The following COL14A1 variants were observed in gnomAD, a reference collection of about 807,000 sequenced individuals.
COL14A1 encodes collagen alpha-1(XIV) chain.
Under a neutral mutation model 230.3 loss-of-function variants are expected in COL14A1, and 136 were observed. The ratio of observed to expected loss-of-function variants is 0.59; its 90% confidence interval spans 0.51 to 0.68. COL14A1 has a LOEUF of 0.68. Ranked by LOEUF, COL14A1 falls within the 30% of genes least tolerant of loss-of-function variation. The probability of loss-of-function intolerance (pLI) is 0.00; values close to 1 mark genes in which losing one functional copy is unlikely to be tolerated. For missense variants in COL14A1, 1,976 were observed against 2,215.8 expected (o/e 0.89, Z 2.17); for synonymous variants, 792 against 784.1 (o/e 1.01, Z -0.17).
At position 120,323,725 on chromosome 8, in the gene COL14A1, G is replaced by A. The variant is rs183465914; in HGVS notation, c.4659+7728G>A. 1.6e-4 allele frequency among the ~76,000 whole-genome samples: 24 copies of A among 152,192 alleles called. No individual in the cohort carries two copies. In the East Asian group the frequency reaches 4.4e-3, roughly 28 times the overall value. On this transcript the variant is annotated intron_variant, in intron 40 of 47. Transcript: ENST00000297848. ...CAGGTTTCTCAAAGGTCAGATAGTT[G>A]TTGGTGTGTGGTCTTATTTCTGAGT...
At chr8:120,345,016 AC>A (rs1477841674) in intron 44 of COL14A1, among the ~76,000 whole-genome samples, 3 of 152,114 alleles carry the variant, frequency 2.0e-5, no homozygotes, top group Non-Finnish European at 4.4e-5. Flanking sequence ...AAGAAAAATA[AC>A]TTGGGGAGTA....
chr8:120,194,059 T>G (rs1302445491), intron 5 of COL14A1, among the ~76,000 whole-genome samples: 1 of 152,194 alleles, frequency 6.6e-6, no homozygotes, highest in Admixed American at 6.5e-5. Flanking sequence ...GCACCCACTG[T>G]CCTGTGCCCA....
At chr8:120,191,741 C>A (rs1414779715) in intron 5 of COL14A1, among the ~76,000 whole-genome samples, 7 of 150,986 alleles carry the variant, frequency 4.6e-5, no homozygotes. Context: ...GTATTGGGTG[C>A]ATATATATTT....
At chr8:120,244,587 C>T (rs1014367549) in intron 20 of COL14A1, among the ~76,000 whole-genome samples, 1 of 152,148 alleles carries the variant, frequency 6.6e-6, no homozygotes, top group Non-Finnish European at 1.5e-5. Flanking sequence ...CTTCTTATGG[C>T]TTTGTATCTT....
chr8:120,207,158 G>A, intron 10 of COL14A1, 64 bp downstream of exon 10: 1 of 1,291,060 alleles, frequency 7.7e-7, no homozygotes, highest in Non-Finnish European at 1.1e-6. Context: ...ACAATAGTGA[G>A]AACAAGGCAG....
intron 47 of COL14A1, chr8:120,370,614 C>T (rs1227271154): frequency 2.9e-5 from 42 of 1,449,588 alleles, no homozygotes; most frequent in Non-Finnish European, 3.8e-5. Context: ...ACTGACTGCT[C>T]CATGTCAGCC....
rs541051462 is a variant in COL14A1 at position 120,173,727 on chromosome 8, C to T, written c.436+5480C>T. Among the ~76,000 whole-genome samples the T allele has an allele frequency of 2.0e-3, 309 of 151,688 alleles. 1 individual carries two copies. Among genetic ancestry groups the T allele is most frequent in the Middle Eastern group, 6.8e-3 (2 of 294 alleles). The stretch of plus-strand genomic sequence containing the variant: ...CTGCATCTTATATCTATCTTTTGCC[C>T]ATACCACAGGGTTTATTTTAGCCCT... On this transcript the variant is annotated intron_variant, in intron 5 of 47. Transcript: ENST00000297848.
At chr8:120,252,300 T>C (rs1818996827) in intron 22 of COL14A1, among the ~76,000 whole-genome samples, 1 of 152,220 alleles carries the variant, frequency 6.6e-6, no homozygotes, top group African/African-American at 2.4e-5. Context: ...TGGAGCACTG[T>C]ATACTGTACC....
chr8:120,349,182 G>T (rs991187620), intron 45 of COL14A1, among the ~76,000 whole-genome samples: 6 of 151,928 alleles, frequency 3.9e-5, no homozygotes, highest in African/African-American at 1.5e-4. Flanking sequence ...GGTCCTGTCT[G>T]TTAGAAGGAA....
intron 36 of COL14A1, among the ~76,000 whole-genome samples, chr8:120,301,751 C>T (rs1409541847): frequency 5.3e-5 from 8 of 152,080 alleles, no homozygotes; most frequent in Admixed American, 5.2e-4. Flanking sequence ...AATGGTTGTT[C>T]TGTTTGTAGC....
At chr8:120,292,992 A>C (rs1488299422) in intron 34 of COL14A1, among the ~76,000 whole-genome samples, 1 of 152,110 alleles carries the variant, frequency 6.6e-6, no homozygotes. Flanking sequence ...AAGCAGGCTT[A>C]ACTTAGCTGT....
intron 28 of COL14A1, among the ~76,000 whole-genome samples, chr8:120,279,597 A>G (rs1323562649): frequency 6.6e-6 from 1 of 151,278 alleles, no homozygotes; most frequent in Non-Finnish European, 1.5e-5. Flanking sequence ...CTCTGTTTCA[A>G]GTATATTTCA....
Position 120,279,815 on chromosome 8 carries a change from T to C in COL14A1, c.3482-120T>C, listed in dbSNP as rs1819981667. The stretch of plus-strand genomic sequence containing the variant: ...CTGATGAACTGTAAAGAATGAATTA[T>C]CCACCCCCATGGGCCTTCCTAAATA... On this transcript the variant is annotated intron_variant, in intron 28 of 47. Transcript: ENST00000297848. 7 of 991,890 alleles carry C rather than the reference T, an allele frequency of 7.1e-6. No homozygotes were observed. The South Asian group carries it at 1.2e-4, about 18-fold the overall frequency. 61.4% of individuals were successfully genotyped at this position (991,890 alleles called of 1,614,324 possible). A position where few individuals can be genotyped will look rare whatever the true frequency, so the allele number is the denominator to read the frequency against.
intron 5 of COL14A1, among the ~76,000 whole-genome samples, chr8:120,177,623 T>C (rs1370202407): frequency 2.3e-5 from 3 of 128,182 alleles, no homozygotes; most frequent in African/African-American, 9.2e-5. Context: ...CACTCCAGTC[T>C]GGGTGACAGA....
rs1301655837 is a variant in COL14A1, at chr8:120,300,688, T to C, written c.4315-44T>C. 14 of 1,454,656 alleles carry C rather than the reference T, an allele frequency of 9.6e-6. No individual in the cohort carries two copies. In the African/African-American group the frequency reaches 1.7e-4, roughly 18 times the overall value. 90.1% of individuals were successfully genotyped at this position (1,454,656 alleles called of 1,614,324 possible). A position where few individuals can be genotyped will look rare whatever the true frequency, so the allele number is the denominator to read the frequency against. ...CTTTGAGCCAGTAAAGCCATTTGTA[T>C]AAACTGGCATGCTAATGGTTGTGCT... On this transcript the variant is annotated intron_variant, in intron 35 of 47. Coordinates refer to ENST00000297848, the MANE Select transcript of COL14A1 (RefSeq NM_021110.4).
At chr8:120,189,934 A>T (rs13271009) in intron 5 of COL14A1, among the ~76,000 whole-genome samples, 18 of 149,972 alleles carry the variant, frequency 1.2e-4, no homozygotes, top group Non-Finnish European at 1.6e-4. Flanking sequence ...GAATAGTGCC[A>T]CAATAAACAT....
intron 45 of COL14A1, among the ~76,000 whole-genome samples, chr8:120,348,387 A>G (rs1395616056): frequency 1.3e-5 from 2 of 151,748 alleles, no homozygotes; most frequent in Non-Finnish European, 2.9e-5. Context: ...ACAGTAACCC[A>G]GATGAGATTG....
At chr8:120,321,664 C>A (rs1222346449) in intron 40 of COL14A1, among the ~76,000 whole-genome samples, 1 of 150,872 alleles carries the variant, frequency 6.6e-6, no homozygotes, top group African/African-American at 2.4e-5. Context: ...AAAGATACTT[C>A]TGAAATTGTC....
chr8:120,163,750 C>A (rs1219058211), intron 4 of COL14A1, among the ~76,000 whole-genome samples: 1 of 151,922 alleles, frequency 6.6e-6, no homozygotes, highest in Non-Finnish European at 1.5e-5. Context: ...GCAACAAGAG[C>A]AAAACTCCAT....
Sources: allele counts gnomAD v4.1 joint callset (sites outside exome capture counted in the v4.1 genomes callset), GRCh38; gene constraint gnomAD v4.1.1; transcripts MANE v1.5; gene names NCBI Gene and HGNC (gene_info 2026-07-23, HGNC 2026-07-21).